The following OGFOD3 variants were observed in gnomAD, a reference collection of about 807,000 sequenced individuals.
The protein encoded by OGFOD3 is 2-oxoglutarate and iron-dependent oxygenase domain-containing protein 3.
In OGFOD3, 35 loss-of-function variants were observed where a neutral mutation model predicts 39.8. The observed-to-expected ratio is 0.88, with a 90% confidence interval of 0.67 to 1.17. The LOEUF (loss-of-function observed/expected upper bound fraction) is 1.17. Ranked by LOEUF, OGFOD3 falls within the 50% of genes most tolerant of loss-of-function variation. The probability of loss-of-function intolerance (pLI) is 0.00; values close to 1 mark genes in which losing one functional copy is unlikely to be tolerated. For missense variants in OGFOD3, 438 were observed against 454.5 expected, an observed-to-expected ratio of 0.96 and a Z score of 0.33; for synonymous variants, 200 against 192.0, an observed-to-expected ratio of 1.04 and a Z score of -0.34.
intron 3 of OGFOD3, 95 bp from the exon 4 acceptor site, chr17:82,409,505 G>A: frequency 8.8e-7 from 1 of 1,129,990 alleles, no homozygotes; most frequent in Non-Finnish European, 1.3e-6. Context: ...TGCAACATTA[G>A]TGGGTCCTGC....
Position 82,415,479 on chromosome 17 carries a change from C to T in OGFOD3, c.223G>A (p.Ala75Thr), listed in dbSNP as rs1293560687. 1 of 1,613,904 alleles carries T rather than the reference C, an allele frequency of 6.2e-7. No individual in the cohort carries two copies. Among genetic ancestry groups the T allele is most frequent in the East Asian group, 2.2e-5 (1 of 44,886 alleles). Reference protein sequence around the residue: ...GADDGVAEVLARRGEVVAGRF... With the variant: ...GADDGVAEVLTRRGEVVAGRF... ...CCTGCCACGACCTCGCCACGGCGGG[C>T]CAGGACCTCTGCGACCCCGTCGTCG... The change falls in exon 2 of 9, where the codon GCC (alanine) becomes ACC (threonine). Residue 75 changes from alanine (A) to threonine (T), a missense_variant. Coordinates refer to ENST00000313056, the MANE Select transcript of OGFOD3 (RefSeq NM_024648.3). This position sits in a 1 kb window ranked among gnomAD's most constrained non-coding sequence, Gnocchi z 5.3.
At chr17:82,411,365 C>T (rs530425302) in intron 3 of OGFOD3, 90 bp downstream of exon 3, 2 of 1,230,550 alleles carry the variant, frequency 1.6e-6, no homozygotes, top group Admixed American at 1.8e-5. Flanking sequence ...CTTAAAACCA[C>T]TTTATTACTA....
At position 82,415,504 on chromosome 17, in the gene OGFOD3, G is replaced by A. The variant is rs751631941; in HGVS notation, c.198C>T (p.Ala66=). The part of the protein sequence containing the change: ...TALLLWSSLG[A]DDGVAEVLAR... ...CCAGGACCTCTGCGACCCCGTCGTC[G>A]GCCCCCAAGCTGCTCCAGAGCAGGA... The change falls in exon 2 of 9, where the codon GCC becomes GCT. Residue 66 remains alanine (A), a synonymous_variant. Transcript: ENST00000313056. This position sits in a 1 kb window ranked among gnomAD's most constrained non-coding sequence, Gnocchi z 5.3. The A allele has an allele frequency of 7.4e-6, 12 of 1,613,618 alleles. No individual in the cohort carries two copies. The South Asian group carries it at 7.7e-5, about 10-fold the overall frequency.
rs200122408 is a variant in OGFOD3, at chr17:82,404,038, C to T, written c.598G>A (p.Ala200Thr). Residue 200 changes from alanine (A) to threonine (T), a missense_variant, in exon 7 of 9, where the codon GCA becomes ACA. By Grantham distance (58) the Ala-to-Thr change is moderately conservative (BLOSUM62 0). Coordinates refer to ENST00000313056, the MANE Select transcript of OGFOD3 (RefSeq NM_024648.3). This position sits in a 1 kb window ranked among gnomAD's most constrained non-coding sequence, Gnocchi z 4.5. ...LTIAEAFGIS[A>T]SSLHLTKPTF... is the part of the protein sequence containing the mutation. Reference sequence around the variant, plus strand: ...GGCTTGGTCAGATGCAGCGAGGATGCGCTGATGCCAAAAGCCTCAGCAATG... The same window carrying T: ...GGCTTGGTCAGATGCAGCGAGGATGTGCTGATGCCAAAAGCCTCAGCAATG... 209 of 1,609,582 alleles carry T rather than the reference C, an allele frequency of 1.3e-4. 1 individual carries two copies. In the East Asian group the frequency reaches 4.3e-3, roughly 33 times the overall value.
At chr17:82,414,210 C>T (rs924681519) in intron 2 of OGFOD3, among the ~76,000 whole-genome samples, 3 of 152,124 alleles carry the variant, frequency 2.0e-5, no homozygotes, top group Non-Finnish European at 4.4e-5. Flanking sequence ...TCACTGCAGC[C>T]CTGACCTCCT....
intron 8 of OGFOD3, among the ~76,000 whole-genome samples, chr17:82,397,822 T>A (rs2052699601): frequency 6.6e-6 from 1 of 151,940 alleles, no homozygotes; most frequent in South Asian, 2.1e-4. Flanking sequence ...TGGGGCCTCG[T>A]CTAATCTTAG....
At chr17:82,396,206 C>T (rs550395349) in intron 8 of OGFOD3, among the ~76,000 whole-genome samples, 1 of 145,854 alleles carries the variant, frequency 6.9e-6, no homozygotes, top group Admixed American at 6.8e-5. Flanking sequence ...GACAGATGTA[C>T]GACATCAAAT....
intron 2 of OGFOD3, among the ~76,000 whole-genome samples, chr17:82,413,958 A>G (rs2052994028): frequency 6.6e-6 from 1 of 152,150 alleles, no homozygotes; most frequent in Admixed American, 6.6e-5. Context: ...TACAAGATAG[A>G]ATTTACCATT....
intron 2 of OGFOD3, among the ~76,000 whole-genome samples, chr17:82,411,985 T>C (rs1210616795): frequency 6.6e-6 from 1 of 150,470 alleles, no homozygotes; most frequent in Non-Finnish European, 1.5e-5. Context: ...GGGGGAACCC[T>C]CCTGAGACCA....
At position 82,415,733 on chromosome 17, in the gene OGFOD3, G is replaced by A. The variant is rs1173615392; in HGVS notation, c.75-106C>T. On this transcript the variant is annotated intron_variant, in intron 1 of 8. Transcript: ENST00000313056. The surrounding 1 kb of genome is among the most constrained non-coding windows in gnomAD (Gnocchi z 5.3). ...ACCATGACCCGGCCTTCACTCACACGTCACCCCTGAAACGAGGGCTTCCTG... is the reference window on the plus strand; with the variant it reads ...ACCATGACCCGGCCTTCACTCACACATCACCCCTGAAACGAGGGCTTCCTG... 9 of 1,000,108 alleles carry A rather than the reference G, an allele frequency of 9.0e-6. No homozygotes were observed. Among genetic ancestry groups the A allele is most frequent in the South Asian group, 1.6e-5 (1 of 61,176 alleles). The allele number at this position is 1,000,108 out of a possible 1,614,324, so 62.0% of individuals were successfully genotyped here.
At chr17:82,413,212 C>T (rs1175072692) in intron 2 of OGFOD3, among the ~76,000 whole-genome samples, 1 of 152,212 alleles carries the variant, frequency 6.6e-6, no homozygotes, top group African/African-American at 2.4e-5. Context: ...GCAATGAGAG[C>T]CACACAGGCC....
chr17:82,398,935 C>G (rs774007318), intron 7 of OGFOD3, among the ~76,000 whole-genome samples: 2 of 135,046 alleles, frequency 1.5e-5, no homozygotes, highest in South Asian at 4.8e-4. Context: ...TTTGGCCTCC[C>G]GGGTGCTGGG....
intron 2 of OGFOD3, chr17:82,411,736 A>C (rs1349378739): frequency 3.6e-6 from 2 of 550,412 alleles, no homozygotes; most frequent in East Asian, 3.2e-5. Flanking sequence ...CAGTGGCTCC[A>C]ACTGGAAATT....
In OGFOD3 at chr17:82,415,013, G is replaced by A. The variant is rs533213227; in HGVS notation, c.304+385C>T. ...TCAGGCCCAGGCAGAACGGGAGCGGGGGAGGGGAGCTGGGGCACAGGACGG... is the reference window on the plus strand; with the variant it reads ...TCAGGCCCAGGCAGAACGGGAGCGGAGGAGGGGAGCTGGGGCACAGGACGG... On this transcript the variant is annotated intron_variant, in intron 2 of 8. Transcript: ENST00000313056. The surrounding 1 kb of genome is among the most constrained non-coding windows in gnomAD (Gnocchi z 5.3). Among the ~76,000 whole-genome samples, 3 of 152,322 alleles carry A rather than the reference G, an allele frequency of 2.0e-5. No individual in the cohort carries two copies. The East Asian group carries it at 5.8e-4, about 29-fold the overall frequency.
In OGFOD3 at chr17:82,404,442, G is replaced by A. The variant is rs921954832; in HGVS notation, c.546-352C>T. ...GGAGCCCAGCCTCCTATTCAGCAAC[G>A]AAGAGGCTGCTGTCCCCCAACGTGA... is the stretch of plus-strand genomic sequence containing the variant. On this transcript the variant is annotated intron_variant, in intron 6 of 8. Coordinates refer to ENST00000313056, the MANE Select transcript of OGFOD3 (RefSeq NM_024648.3). The surrounding 1 kb of genome is among the most constrained non-coding windows in gnomAD (Gnocchi z 4.5). Among the ~76,000 whole-genome samples the A allele has an allele frequency of 3.3e-5, 5 of 152,198 alleles. No individual in the cohort carries two copies. The highest frequency in any genetic ancestry group is 5.9e-5 in the Non-Finnish European group (4 of 68,028).
intron 1 of OGFOD3, among the ~76,000 whole-genome samples, chr17:82,417,678 G>A (rs1470654208): frequency 6.6e-6 from 1 of 150,784 alleles, no homozygotes. Flanking sequence ...ATCCTATCTA[G>A]TAGACTCCAA....
At position 82,415,034 on chromosome 17, in the gene OGFOD3, G is replaced by A. The variant is rs2053010511; in HGVS notation, c.304+364C>T. On this transcript the variant is annotated intron_variant, in intron 2 of 8. Coordinates refer to ENST00000313056, the MANE Select transcript of OGFOD3 (RefSeq NM_024648.3). The surrounding 1 kb of genome is among the most constrained non-coding windows in gnomAD (Gnocchi z 5.3). The stretch of plus-strand genomic sequence containing the variant: ...GCGGGGGAGGGGAGCTGGGGCACAG[G>A]ACGGCAGAAGGGCTGCTGGTCGTTT... Among the ~76,000 whole-genome samples, 1 of 152,220 alleles carries A rather than the reference G, an allele frequency of 6.6e-6. No individual in the cohort carries two copies. Among genetic ancestry groups the A allele is most frequent in the South Asian group, 2.1e-4 (1 of 4,830 alleles).
chr17:82,395,022 TTTTTTG>T (rs1022067612), intron 8 of OGFOD3, among the ~76,000 whole-genome samples: 5 of 152,128 alleles, frequency 3.3e-5, no homozygotes, highest in Admixed American at 6.6e-5. Flanking sequence ...TGCTGGATTG[TTTTTTG>T]TTTTTGTTTT....
intron 8 of OGFOD3, among the ~76,000 whole-genome samples, chr17:82,397,448 G>T (rs1417812420): frequency 6.7e-6 from 1 of 149,554 alleles, no homozygotes; most frequent in Non-Finnish European, 1.5e-5. Context: ...GTGAGGCAGT[G>T]GGGGGTGGAT....
Sources: gnomAD v4.1 joint callset for allele counts (sites outside exome capture counted in the v4.1 genomes callset) on GRCh38, gnomAD v4.1.1 for gene constraint, Gnocchi (gnomAD v3.1) non-coding constraint, MANE v1.5 for transcripts, NCBI Gene and HGNC (gene_info 2026-07-23, HGNC 2026-07-21) for gene names.